The following PPP6R2 variants were observed in gnomAD, a reference collection of about 807,000 sequenced individuals.
The protein encoded by PPP6R2 is serine/threonine-protein phosphatase 6 regulatory subunit 2.
A neutral mutation model predicts 100.2 loss-of-function variants in PPP6R2; 62 were observed. That is an observed-to-expected ratio of 0.62 (90% CI 0.50 to 0.76). The LOEUF is 0.76. Ranked by LOEUF, PPP6R2 falls within the 30% of genes least tolerant of loss-of-function variation. The pLI, the probability that PPP6R2 is intolerant of heterozygous loss-of-function variation, is 0.00. For missense variants in PPP6R2, 1,142 were observed against 1,276.3 expected (o/e 0.89, Z 1.60); for synonymous variants, 525 against 514.7 (o/e 1.02, Z -0.27).
At chr22:50,389,751 A>G (rs893902140) in intron 2 of PPP6R2, among the ~76,000 whole-genome samples, 2 of 151,672 alleles carry the variant, frequency 1.3e-5, no homozygotes, top group South Asian at 4.2e-4. Flanking sequence ...GATGTGCACC[A>G]CCATGCCTGG....
At chr22:50,393,086 C>A (rs2055979897) in intron 2 of PPP6R2, among the ~76,000 whole-genome samples, 2 of 152,188 alleles carry the variant, frequency 1.3e-5, no homozygotes, top group African/African-American at 4.8e-5. Flanking sequence ...CCCTGGCCTG[C>A]AGAATGACAT....
intron 3 of PPP6R2, among the ~76,000 whole-genome samples, chr22:50,401,698 A>G (rs2058071024): frequency 6.6e-6 from 1 of 150,884 alleles, no homozygotes; most frequent in Non-Finnish European, 1.5e-5. Context: ...GCTGGAATGC[A>G]GTGGCACAAT....
At chr22:50,434,817 G>C (rs2063853324) in intron 12 of PPP6R2, 149 bp from the exon 13 acceptor site, 1 of 640,780 alleles carries the variant, frequency 1.6e-6, no homozygotes. Context: ...GGTGAACCTG[G>C]AGGAGGGCCG....
chr22:50,368,425 G>T (rs1050787086), intron 1 of PPP6R2, among the ~76,000 whole-genome samples: 4 of 152,266 alleles, frequency 2.6e-5, no homozygotes, highest in Non-Finnish European at 5.9e-5. Flanking sequence ...TTGTCTTCTG[G>T]TCACTTCTCA....
chr22:50,352,486 T>G (rs150003830), intron 1 of PPP6R2, among the ~76,000 whole-genome samples: 2,371 of 152,076 alleles, frequency 0.016, 28 homozygotes, highest in South Asian at 0.037. Context: ...TCCCAGCACT[T>G]TGTGAGGCTG....
intron 2 of PPP6R2, among the ~76,000 whole-genome samples, chr22:50,392,735 C>T (rs935794556): frequency 2.0e-5 from 3 of 152,256 alleles, no homozygotes; most frequent in Non-Finnish European, 2.9e-5. Context: ...GGTTTTGGAG[C>T]TGAGATGAGA....
At chr22:50,369,905 A>T (rs887071701) in intron 1 of PPP6R2, among the ~76,000 whole-genome samples, 11 of 123,632 alleles carry the variant, frequency 8.9e-5, no homozygotes, top group East Asian at 4.6e-4. Context: ...CAGCTAAGTA[A>T]TTTTTTTTTT....
chr22:50,422,111 C>A, intron 8 of PPP6R2, 143 bp from the exon 9 acceptor site: 1 of 1,004,386 alleles, frequency 1.0e-6, no homozygotes, highest in Non-Finnish European at 1.4e-6. Flanking sequence ...CGTGTGGAGA[C>A]GCTGGGTAGC....
intron 4 of PPP6R2, among the ~76,000 whole-genome samples, chr22:50,412,119 A>G (rs922968336): frequency 6.6e-6 from 1 of 152,206 alleles, no homozygotes; most frequent in African/African-American, 2.4e-5. Flanking sequence ...CTAGTAGAAT[A>G]TCACAACTAG....
At chr22:50,340,569 GTGTGGTA>G (rs769813561), upstream of PPP6R2, among the ~76,000 whole-genome samples, 199 of 142,296 alleles carry the variant, frequency 1.4e-3, no homozygotes, top group Non-Finnish European at 2.3e-3. Context: ...TATGTAGTGT[GTGTGGTA>G]TGTGGTGTGT....
intron 3 of PPP6R2, among the ~76,000 whole-genome samples, chr22:50,395,990 T>G (rs1603133283): frequency 7.0e-6 from 1 of 143,282 alleles, no homozygotes; most frequent in Non-Finnish European, 1.5e-5. Context: ...AGGTCAGGAG[T>G]TCGAAACCAG....
In PPP6R2 at chr22:50,419,247, G is replaced by A; in HGVS notation, c.732-102G>A. ...GCCTTGCCTTGAGCCTGAGCAGGTT[G>A]AGGGTTTTGCTGGGGTCCTCCACGG... is the stretch of plus-strand genomic sequence containing the variant. On this transcript the variant is annotated intron_variant, in intron 7 of 23. Transcript: ENST00000612753. 2.9e-6 allele frequency: 3 copies of A among 1,045,084 alleles called. No homozygotes were observed. The Admixed American group carries it at 6.2e-5, about 22-fold the overall frequency. The allele number at this position is 1,045,084 out of a possible 1,614,324, so 64.7% of individuals were successfully genotyped here.
chr22:50,373,512 G>T (rs1276669628), intron 2 of PPP6R2, among the ~76,000 whole-genome samples: 1 of 151,322 alleles, frequency 6.6e-6, no homozygotes, highest in Non-Finnish European at 1.5e-5. Context: ...CAAAGTGCTG[G>T]GATTACAGGC....
intron 18 of PPP6R2, 92 bp from the exon 19 acceptor site, chr22:50,438,507 C>T: frequency 1.3e-6 from 2 of 1,498,542 alleles, no homozygotes; most frequent in Non-Finnish European, 1.8e-6. Flanking sequence ...GATCTGTGCT[C>T]ACCCTCAGCC....
chr22:50,423,424 C>T lies in PPP6R2; in HGVS notation c.973-38C>T, dbSNP rs373397636. 25 of 1,612,500 alleles carry T rather than the reference C, an allele frequency of 1.6e-5. No individual in the cohort carries two copies. In the African/African-American group the frequency reaches 2.4e-4, roughly 15 times the overall value. On this transcript the variant is annotated intron_variant, in intron 9 of 23. Transcript: ENST00000612753. This position sits in a 1 kb window ranked among gnomAD's most constrained non-coding sequence, Gnocchi z 4.8. Reference sequence around the variant, plus strand: ...AGACTCCAGCAGTGGCCTCACTGCTCACAGGGCCTAACTGGGTGGTGCCTT... The same window carrying T: ...AGACTCCAGCAGTGGCCTCACTGCTTACAGGGCCTAACTGGGTGGTGCCTT...
At chr22:50,335,021 AT>A in the PPP6R2 span, among the ~76,000 whole-genome samples, 1 of 151,946 alleles carries the variant, frequency 6.6e-6, no homozygotes, top group African/African-American at 2.4e-5. Flanking sequence ...CCACAGATCA[AT>A]TTGGGGGAGA....
chr22:50,434,157 C>T (rs1603400683), intron 12 of PPP6R2, among the ~76,000 whole-genome samples: 1 of 55,148 alleles, frequency 1.8e-5, no homozygotes, highest in Non-Finnish European at 3.6e-5. Context: ...GGAGGAGGGC[C>T]GGGGGCGCAG....
At chr22:50,401,219 T>G (rs2149041022) in intron 3 of PPP6R2, among the ~76,000 whole-genome samples, 1 of 152,218 alleles carries the variant, frequency 6.6e-6, no homozygotes, top group Middle Eastern at 3.4e-3. Flanking sequence ...AATTTTATTT[T>G]TTTTTTGAGA....
chr22:50,331,655 G>C, the PPP6R2 span, among the ~76,000 whole-genome samples: 1 of 151,940 alleles, frequency 6.6e-6, no homozygotes, highest in Non-Finnish European at 1.5e-5. Context: ...TCTCGCTTAT[G>C]TCACCTAGAC....
Sources: gnomAD v4.1 joint callset for allele counts (sites outside exome capture counted in the v4.1 genomes callset) on GRCh38, gnomAD v4.1.1 for gene constraint, Gnocchi (gnomAD v3.1) non-coding constraint, MANE v1.5 for transcripts, NCBI Gene and HGNC (gene_info 2026-07-23, HGNC 2026-07-21) for gene names.